The following GRID2 variants were observed in gnomAD, a reference collection of about 807,000 sequenced individuals.
The protein encoded by GRID2 is glutamate receptor ionotropic, delta-2.
A neutral mutation model predicts 114.8 loss-of-function variants in GRID2; 33 were observed. The ratio of observed to expected loss-of-function variants is 0.29; its 90% CI spans 0.22 to 0.38. GRID2 has a LOEUF of 0.38. Among genes scored for constraint, GRID2 ranks in the 10% least tolerant of loss-of-function variants. The pLI, the probability that GRID2 is intolerant of heterozygous loss-of-function variation, is 1.00. For synonymous variants in GRID2, 505 were observed against 449.9 expected, an observed-to-expected ratio of 1.12 and a Z score of -1.55; for missense variants, 1,184 against 1,257.7, an observed-to-expected ratio of 0.94 and a Z score of 0.89.
At chr4:93,701,265 A>T (rs1026905443) in intron 14 of GRID2, among the ~76,000 whole-genome samples, 1 of 152,208 alleles carries the variant, frequency 6.6e-6, no homozygotes, top group Non-Finnish European at 1.5e-5. Context: ...TTTCTAAAAA[A>T]GTTGGAACGA....
intron 1 of GRID2, among the ~76,000 whole-genome samples, chr4:92,548,614 G>A (rs1449670607): frequency 2.6e-5 from 4 of 151,320 alleles, no homozygotes; most frequent in South Asian, 4.2e-4. Flanking sequence ...GGCTGGTCTC[G>A]AACTCCTGAC....
At chr4:93,583,975 G>GA in intron 13 of GRID2, among the ~76,000 whole-genome samples, 1 of 152,234 alleles carries the variant, frequency 6.6e-6, no homozygotes, top group South Asian at 2.1e-4. Context: ...GGAACCACAG[G>GA]AAGCAGATGG....
intron 8 of GRID2, among the ~76,000 whole-genome samples, chr4:93,274,008 C>A (rs1751786165): frequency 6.6e-6 from 1 of 151,684 alleles, no homozygotes. Flanking sequence ...TATTATAATG[C>A]AAATTAAGAT....
chr4:93,290,767 A>G (rs1298592836), intron 8 of GRID2, among the ~76,000 whole-genome samples: 2 of 150,272 alleles, frequency 1.3e-5, no homozygotes, highest in South Asian at 2.1e-4. Context: ...CCACAGTAAC[A>G]TTTTCAAATA....
chr4:92,738,997 A>G (rs955311969), intron 2 of GRID2, among the ~76,000 whole-genome samples: 1 of 152,154 alleles, frequency 6.6e-6, no homozygotes, highest in Non-Finnish European at 1.5e-5. Flanking sequence ...AACATCATCC[A>G]TTGCTGAACA....
At chr4:92,514,240 T>A (rs1038788070) in intron 1 of GRID2, among the ~76,000 whole-genome samples, 1 of 151,914 alleles carries the variant, frequency 6.6e-6, no homozygotes, top group Non-Finnish European at 1.5e-5. Flanking sequence ...GTTCAACCCT[T>A]ATGTATAACT....
intron 2 of GRID2, among the ~76,000 whole-genome samples, chr4:92,829,719 T>C (rs1487106895): frequency 6.6e-6 from 1 of 152,132 alleles, no homozygotes; most frequent in Non-Finnish European, 1.5e-5. Flanking sequence ...AAAGAAAATG[T>C]GGCACATATA....
chr4:92,415,277 T>G (rs896308996), intron 1 of GRID2, among the ~76,000 whole-genome samples: 1 of 152,106 alleles, frequency 6.6e-6, no homozygotes, highest in Non-Finnish European at 1.5e-5. Context: ...GATAATTACA[T>G]TAAACTCTAC....
intron 8 of GRID2, chr4:93,319,579 C>T (rs1052053039): frequency 1.3e-5 from 2 of 151,938 alleles, no homozygotes; most frequent in Non-Finnish European, 2.9e-5. Context: ...AGGAAGATCA[C>T]ACAGGTGGGC....
chr4:93,112,065 A>C (rs945948362), intron 4 of GRID2: 2 of 152,136 alleles, frequency 1.3e-5, no homozygotes, highest in African/African-American at 4.8e-5. Flanking sequence ...TTCATAATAT[A>C]AAATATTTCC....
At chr4:93,267,822 A>G (rs954259419) in intron 8 of GRID2, among the ~76,000 whole-genome samples, 1 of 152,170 alleles carries the variant, frequency 6.6e-6, no homozygotes, top group African/African-American at 2.4e-5. Context: ...AGTGACTGTC[A>G]TTCCTGCTAG....
At chr4:92,951,923 T>G (rs1257726170) in intron 2 of GRID2, among the ~76,000 whole-genome samples, 1 of 152,188 alleles carries the variant, frequency 6.6e-6, no homozygotes, top group Non-Finnish European at 1.5e-5. Flanking sequence ...TATTATTTCA[T>G]TACATGGATA....
intron 2 of GRID2, among the ~76,000 whole-genome samples, chr4:92,690,591 G>C (rs757618801): frequency 6.6e-6 from 1 of 152,048 alleles, no homozygotes; most frequent in Non-Finnish European, 1.5e-5. Context: ...CTTGACGCAG[G>C]GTTGCCACCA....
intron 2 of GRID2, among the ~76,000 whole-genome samples, chr4:92,789,223 T>C (rs1400722711): frequency 6.6e-6 from 1 of 151,594 alleles, no homozygotes; most frequent in African/African-American, 2.4e-5. Flanking sequence ...CCCTCACACT[T>C]GCTCTTCAAA....
chr4:93,513,772 T>A lies in GRID2; in HGVS notation c.1998-1444T>A, dbSNP rs560908025. On this transcript the variant is annotated intron_variant, in intron 12 of 15. Transcript: ENST00000282020. ...ATAAAAGTTTGCTGAAAGTTACTAT[T>A]AGAAATTGGCACAAATACTCTTCTG... 1.6e-4 allele frequency among the ~76,000 whole-genome samples: 24 copies of A among 152,306 alleles called. No homozygotes were observed. The South Asian group carries it at 5.0e-3, about 32-fold the overall frequency.
At chr4:93,016,528 T>A (rs1296858248) in intron 2 of GRID2, among the ~76,000 whole-genome samples, 1 of 152,160 alleles carries the variant, frequency 6.6e-6, no homozygotes, top group African/African-American at 2.4e-5. Context: ...CTTTACTCCA[T>A]GCACTGCCTC....
chr4:92,509,546 C>T (rs1724136802), intron 1 of GRID2, among the ~76,000 whole-genome samples: 1 of 151,762 alleles, frequency 6.6e-6, no homozygotes, highest in African/African-American at 2.4e-5. Flanking sequence ...GTTTATAATC[C>T]AGTGAGATGA....
chr4:92,517,281 T>C (rs1724546127), intron 1 of GRID2, among the ~76,000 whole-genome samples: 1 of 151,768 alleles, frequency 6.6e-6, no homozygotes, highest in Non-Finnish European at 1.5e-5. Context: ...TTCCTCCCAT[T>C]TTTTTAGTCA....
At chr4:93,234,504 G>A (rs1031852362) in intron 7 of GRID2, among the ~76,000 whole-genome samples, 30 of 152,038 alleles carry the variant, frequency 2.0e-4, no homozygotes, top group African/African-American at 6.8e-4. Flanking sequence ...TCAGCTGGCT[G>A]TGAGTCTCTA....
Sources: allele counts gnomAD v4.1 joint callset (sites outside exome capture counted in the v4.1 genomes callset), GRCh38; gene constraint gnomAD v4.1.1; transcripts MANE v1.5; gene names NCBI Gene and HGNC (gene_info 2026-07-23, HGNC 2026-07-21).